ZEB2: variants seen among roughly 807,000 people sequenced by gnomAD.
ZEB2 encodes zinc finger E-box-binding homeobox 2.
A neutral mutation model predicts 99.9 loss-of-function variants in ZEB2; 6 were observed. The observed-to-expected ratio is 0.06, with a 90% CI of 0.03 to 0.12. The LOEUF (loss-of-function observed/expected upper bound fraction) is 0.12. Ranked by LOEUF, ZEB2 falls within the 10% of genes least tolerant of loss-of-function variation. ZEB2 has a pLI of 1.00. For synonymous variants in ZEB2, 517 were observed against 542.5 expected (o/e 0.95, Z 0.65); for missense variants, 969 against 1,502.8 (o/e 0.64, Z 5.87).
intron 2 of ZEB2, among the ~76,000 whole-genome samples, chr2:144,500,847 A>C (rs1235340814): frequency 1.3e-5 from 2 of 152,188 alleles, no homozygotes; most frequent in Non-Finnish European, 2.9e-5. Flanking sequence ...ATGAAAAATA[A>C]AGAGTTGCTG....
At chr2:144,436,414 T>C (rs954589874) in intron 2 of ZEB2, among the ~76,000 whole-genome samples, 9 of 152,170 alleles carry the variant, frequency 5.9e-5, no homozygotes, top group African/African-American at 2.2e-4. Flanking sequence ...GTTCTCAGTA[T>C]AGGGATAAAA....
At chr2:144,451,974 A>G (rs1163235659) in intron 2 of ZEB2, among the ~76,000 whole-genome samples, 1 of 151,996 alleles carries the variant, frequency 6.6e-6, no homozygotes, top group Admixed American at 6.6e-5. Flanking sequence ...ACATCTTCCT[A>G]TGTGTTTGAT....
At chr2:144,483,150 A>ACATGCG (rs1553968395) in intron 2 of ZEB2, among the ~76,000 whole-genome samples, 10 of 149,656 alleles carry the variant, frequency 6.7e-5, no homozygotes, top group South Asian at 4.2e-4. Context: ...ACACACACAC[A>ACATGCG]CACACACACA....
intron 2 of ZEB2, chr2:144,512,810 G>A: frequency 7.8e-7 from 1 of 1,287,054 alleles, no homozygotes; most frequent in African/African-American, 1.5e-5. Flanking sequence ...TGTGCAGCGT[G>A]ACAAAACTTG....
At chr2:144,511,797 A>G (rs1343087474) in intron 2 of ZEB2, 2 of 1,286,754 alleles carry the variant, frequency 1.6e-6, no homozygotes, top group Admixed American at 4.6e-5. Context: ...AAAGACAGAA[A>G]AGAAGTAAAG....
intron 2 of ZEB2, among the ~76,000 whole-genome samples, chr2:144,443,555 C>T (rs1023259463): frequency 7.2e-5 from 11 of 152,062 alleles, no homozygotes; most frequent in Middle Eastern, 3.2e-3. Flanking sequence ...AACAGTTAAG[C>T]GTAACCTGAG....
At chr2:144,455,343 C>T (rs887633508) in intron 2 of ZEB2, 1 of 152,198 alleles carries the variant, frequency 6.6e-6, no homozygotes, top group Non-Finnish European at 1.5e-5. Flanking sequence ...GCCTGGACCT[C>T]AATTTCCACC....
At position 144,384,491 on chromosome 2, in the gene ZEB2, A is replaced by G. The variant is rs950369245; in HGVS notation, c.*4960T>C. ...GGACACAGCCTACTAGCCCAAAAAG[A>G]ACATGTTGCCAATTATCTCCATGTT... is the stretch of plus-strand genomic sequence containing the variant. On this transcript the variant is annotated 3_prime_UTR_variant, in exon 10 of 10. Transcript: ENST00000627532. 1 of 152,176 alleles carries G rather than the reference A, an allele frequency of 6.6e-6. No individual in the cohort carries two copies. The highest frequency in any genetic ancestry group is 1.5e-5 in the Non-Finnish European group (1 of 68,022). 9.4% of individuals were successfully genotyped at this position (152,176 alleles called of 1,614,324 possible).
intron 2 of ZEB2, among the ~76,000 whole-genome samples, chr2:144,508,479 T>C (rs1704982060): frequency 6.6e-6 from 1 of 152,238 alleles, no homozygotes; most frequent in African/African-American, 2.4e-5. Context: ...TCTCACACAT[T>C]TGTGGCTGCT....
intron 4 of ZEB2, among the ~76,000 whole-genome samples, chr2:144,410,290 G>A (rs1178393666): frequency 6.6e-6 from 1 of 152,134 alleles, no homozygotes; most frequent in Non-Finnish European, 1.5e-5. Context: ...TGAATTTTCA[G>A]GTCCCTTTTT....
In ZEB2 at chr2:144,399,109, T is replaced by C; in HGVS notation, c.2078A>G (p.Glu693Gly). 6.2e-7 allele frequency: 1 copy of C among 1,614,168 alleles called. No individual in the cohort carries two copies. The highest frequency in any genetic ancestry group is 8.5e-7 in the Non-Finnish European group (1 of 1,180,038). ...LPQEFVKEWF[E>G]QRKVYQYSNS... The stretch of plus-strand genomic sequence containing the variant: ...TGAGTACTGGTAGACTTTTCGTTGT[T>C]CAAACCATTCCTTCACAAATTCCTG... Residue 693 changes from glutamate (E) to glycine (G), a missense_variant, in exon 8 of 10, where the codon GAA (glutamate) becomes GGA (glycine). Coordinates refer to ENST00000627532, the MANE Select transcript of ZEB2 (RefSeq NM_014795.4). The surrounding 1 kb of genome is among the most constrained non-coding windows in gnomAD (Gnocchi z 5.6).
intron 4 of ZEB2, among the ~76,000 whole-genome samples, chr2:144,416,061 T>C (rs1703535913): frequency 6.6e-6 from 1 of 152,246 alleles, no homozygotes; most frequent in Non-Finnish European, 1.5e-5. Context: ...CACTTGCTCC[T>C]GGGCTAACCC....
chr2:144,424,237 G>A (rs1573738993), intron 4 of ZEB2: 2 of 385,070 alleles, frequency 5.2e-6, no homozygotes, highest in East Asian at 1.3e-4. Flanking sequence ...AAGTAAACTT[G>A]TCAATTCTTC....
chr2:144,507,558 C>T (rs182113462), intron 2 of ZEB2: 4 of 152,194 alleles, frequency 2.6e-5, no homozygotes, highest in East Asian at 3.9e-4. Context: ...CTTCTTGAAA[C>T]GTTTGCTCCC....
At chr2:144,462,934 A>C (rs1047400503) in intron 2 of ZEB2, 1 of 152,208 alleles carries the variant, frequency 6.6e-6, no homozygotes, top group Non-Finnish European at 1.5e-5. Context: ...GTATTAGCAC[A>C]GTTTCTGAAA....
At chr2:144,448,630 G>C (rs1473979166) in intron 2 of ZEB2, 1 of 152,164 alleles carries the variant, frequency 6.6e-6, no homozygotes, top group African/African-American at 2.4e-5. Context: ...AATTACTAGA[G>C]GCTATAAAAG....
chr2:144,423,132 G>T (rs970035655), intron 4 of ZEB2, among the ~76,000 whole-genome samples: 1 of 152,158 alleles, frequency 6.6e-6, no homozygotes, highest in African/African-American at 2.4e-5. Context: ...ATTCAAGATT[G>T]ATTTTTAAAC....
chr2:144,453,839 T>C (rs898925509), intron 2 of ZEB2, among the ~76,000 whole-genome samples: 21 of 152,200 alleles, frequency 1.4e-4, no homozygotes, highest in African/African-American at 5.1e-4. Context: ...TTTTAATAGC[T>C]AATGAGAGAG....
At chr2:144,411,622 G>A (rs1399564903) in intron 4 of ZEB2, among the ~76,000 whole-genome samples, 1 of 152,182 alleles carries the variant, frequency 6.6e-6, no homozygotes, top group Non-Finnish European at 1.5e-5. Flanking sequence ...TGGTACAGAG[G>A]CATGGATAAA....
Sources: gnomAD v4.1 joint callset for allele counts (sites outside exome capture counted in the v4.1 genomes callset) on GRCh38, gnomAD v4.1.1 for gene constraint, Gnocchi (gnomAD v3.1) non-coding constraint, MANE v1.5 for transcripts, NCBI Gene and HGNC (gene_info 2026-07-23, HGNC 2026-07-21) for gene names.